Variants in PID1 observed in about 807,000 individuals in gnomAD.
The protein encoded by PID1 is phosphotyrosine interaction domain containing 1.
In PID1, 10 loss-of-function variants were observed where a neutral mutation model predicts 19.1. That is an observed-to-expected ratio of 0.52 (90% CI 0.32 to 0.89). PID1 has a LOEUF of 0.89. Among genes scored for constraint, PID1 ranks in the 40% least tolerant of loss-of-function variants. The pLI, the probability that PID1 is intolerant of heterozygous loss-of-function variation, is 0.03. For missense variants in PID1, 248 were observed against 285.3 expected (o/e 0.87, Z 0.94); for synonymous variants, 130 against 116.0 (o/e 1.12, Z -0.78).
intron 2 of PID1, among the ~76,000 whole-genome samples, chr2:229,084,556 A>G (rs1290402143): frequency 1.3e-5 from 2 of 152,208 alleles, no homozygotes; most frequent in Non-Finnish European, 2.9e-5. Context: ...GCCAAGATAA[A>G]TGGTTTCTTT....
intron 1 of PID1, chr2:229,262,904 CA>C: frequency 6.7e-7 from 1 of 1,493,744 alleles, no homozygotes; most frequent in Non-Finnish European, 8.9e-7. Flanking sequence ...CTTATAAGGA[CA>C]TTAGTCATTG....
At chr2:229,189,569 C>T (rs572244994) in intron 1 of PID1, among the ~76,000 whole-genome samples, 24 of 152,210 alleles carry the variant, frequency 1.6e-4, no homozygotes, top group African/African-American at 2.4e-4. Flanking sequence ...TAGTAGCAGA[C>T]GCCTGTAATC....
At chr2:229,060,041 T>C (rs1694180577) in intron 2 of PID1, among the ~76,000 whole-genome samples, 1 of 152,168 alleles carries the variant, frequency 6.6e-6, no homozygotes, top group Non-Finnish European at 1.5e-5. Context: ...GGGTGCACAA[T>C]GATGTTATGA....
At chr2:229,192,174 C>T (rs1041055803) in intron 1 of PID1, among the ~76,000 whole-genome samples, 8 of 152,180 alleles carry the variant, frequency 5.3e-5, no homozygotes, top group Non-Finnish European at 8.8e-5. Flanking sequence ...GGAAGACTAG[C>T]TCTTTCAATA....
intron 2 of PID1, among the ~76,000 whole-genome samples, chr2:229,125,991 T>A (rs540372365): frequency 6.6e-6 from 1 of 152,264 alleles, no homozygotes; most frequent in South Asian, 2.1e-4. Context: ...CAATAGAGGA[T>A]AATCCACCTC....
intron 1 of PID1, among the ~76,000 whole-genome samples, chr2:229,158,055 G>C (rs1357482560): frequency 6.6e-6 from 1 of 152,198 alleles, no homozygotes; most frequent in Non-Finnish European, 1.5e-5. Context: ...ATGCAAATTG[G>C]ATAATTTCTA....
chr2:229,113,803 G>T (rs1423409670), intron 2 of PID1, among the ~76,000 whole-genome samples: 4 of 152,070 alleles, frequency 2.6e-5, no homozygotes, highest in Non-Finnish European at 5.9e-5. Context: ...GTGATGGTTA[G>T]TTTTATGTGC....
intron 2 of PID1, among the ~76,000 whole-genome samples, chr2:229,106,997 T>C (rs1001820090): frequency 2.7e-5 from 4 of 150,272 alleles, no homozygotes; most frequent in African/African-American, 9.7e-5. Context: ...GGCTTCTAAG[T>C]CCAGTGACTG....
intron 2 of PID1, among the ~76,000 whole-genome samples, chr2:229,091,014 C>A (rs775201325): frequency 1.3e-5 from 2 of 152,122 alleles, no homozygotes; most frequent in Non-Finnish European, 2.9e-5. Context: ...ATCTTTTGCC[C>A]ATTCTCTCTG....
At chr2:229,170,984 C>T (rs1469785801) in intron 1 of PID1, among the ~76,000 whole-genome samples, 1 of 152,218 alleles carries the variant, frequency 6.6e-6, no homozygotes, top group Non-Finnish European at 1.5e-5. Flanking sequence ...ATTTAAGAAT[C>T]CAGGGACTGT....
chr2:229,225,293 T>C (rs1306486903), intron 1 of PID1, among the ~76,000 whole-genome samples: 2 of 152,148 alleles, frequency 1.3e-5, no homozygotes, highest in Non-Finnish European at 2.9e-5. Flanking sequence ...TAGCAGCCTG[T>C]ACCCACAGAG....
chr2:229,050,416 T>C (rs1339195280), intron 2 of PID1, among the ~76,000 whole-genome samples: 1 of 152,198 alleles, frequency 6.6e-6, no homozygotes, highest in African/African-American at 2.4e-5. Context: ...AACCCCTTGT[T>C]CTGTGGTGAA....
chr2:229,073,151 G>C (rs1423639395), intron 2 of PID1, among the ~76,000 whole-genome samples: 1 of 152,124 alleles, frequency 6.6e-6, no homozygotes, highest in Middle Eastern at 3.2e-3. Flanking sequence ...TCAGCCTCCT[G>C]AGTAGCTGGG....
chr2:229,088,532 G>A (rs1415707167), intron 2 of PID1, among the ~76,000 whole-genome samples: 1 of 152,148 alleles, frequency 6.6e-6, no homozygotes, highest in East Asian at 1.9e-4. Flanking sequence ...CTTCCTAACA[G>A]AAACCAGACC....
intron 2 of PID1, among the ~76,000 whole-genome samples, chr2:229,134,736 T>C (rs1689824643): frequency 1.3e-5 from 2 of 152,326 alleles, no homozygotes; most frequent in South Asian, 4.1e-4. Flanking sequence ...TACTATTTGA[T>C]TTATTAAAAT....
intron 2 of PID1, among the ~76,000 whole-genome samples, chr2:229,045,563 C>T (rs1194817034): frequency 1.3e-5 from 2 of 152,190 alleles, no homozygotes; most frequent in African/African-American, 2.4e-5. Flanking sequence ...TCACAGGTGG[C>T]AGTGATGTCT....
chr2:229,084,730 G>A (rs1694732579), intron 2 of PID1, among the ~76,000 whole-genome samples: 1 of 152,168 alleles, frequency 6.6e-6, no homozygotes, highest in South Asian at 2.1e-4. Flanking sequence ...GACTTTTCAA[G>A]AACAAAGGGC....
At chr2:229,157,340 G>A (rs566532074) in intron 1 of PID1, among the ~76,000 whole-genome samples, 1 of 151,226 alleles carries the variant, frequency 6.6e-6, no homozygotes, top group Admixed American at 6.6e-5. Flanking sequence ...TGAGGCAGGA[G>A]AATCGCTTGA....
intron 1 of PID1, among the ~76,000 whole-genome samples, chr2:229,163,138 T>C (rs772987650): frequency 1.3e-5 from 2 of 152,176 alleles, no homozygotes; most frequent in Non-Finnish European, 2.9e-5. Flanking sequence ...TAAGAGTTTG[T>C]CTATTTTTTC....
Sources: allele counts gnomAD v4.1 joint callset (sites outside exome capture counted in the v4.1 genomes callset), GRCh38; gene constraint gnomAD v4.1.1; transcripts MANE v1.5; gene names NCBI Gene and HGNC (gene_info 2026-07-23, HGNC 2026-07-21).